Variants in NTM observed in about 807,000 individuals in gnomAD.
The protein encoded by NTM is neurotrimin.
In NTM, 13 loss-of-function variants were observed where a neutral mutation model predicts 42.1. The observed-to-expected ratio is 0.31, with a 90% CI of 0.20 to 0.49. The LOEUF (loss-of-function observed/expected upper bound fraction) is 0.49. NTM is among the 20% of genes least tolerant of loss of function. NTM has a pLI of 0.99. For synonymous variants in NTM, 187 were observed against 179.2 expected (o/e 1.04, Z -0.35); for missense variants, 373 against 452.8 (o/e 0.82, Z 1.60).
chr11:132,081,195 A>C (rs1157417359), intron 2 of NTM, among the ~76,000 whole-genome samples: 2 of 152,236 alleles, frequency 1.3e-5, no homozygotes, highest in East Asian at 3.8e-4. Context: ...CTGGTGCAGG[A>C]AATGGTGAGA....
chr11:132,310,408 G>A (rs936311029), intron 6 of NTM, among the ~76,000 whole-genome samples, 176 bp downstream of exon 6: 1 of 152,150 alleles, frequency 6.6e-6, no homozygotes, highest in Non-Finnish European at 1.5e-5. Flanking sequence ...TTTCAGCTAC[G>A]TTTTTAATGT....
intron 2 of NTM, among the ~76,000 whole-genome samples, chr11:131,920,066 A>G (rs1458282215): frequency 6.6e-6 from 1 of 152,238 alleles, no homozygotes; most frequent in Non-Finnish European, 1.5e-5. Context: ...GTGACAGTTC[A>G]TGGCTCTGAA....
At chr11:132,155,196 T>G (rs988369082) in intron 3 of NTM, among the ~76,000 whole-genome samples, 1 of 152,210 alleles carries the variant, frequency 6.6e-6, no homozygotes, top group Non-Finnish European at 1.5e-5. Flanking sequence ...GTCTGAATTT[T>G]GATAATTACC....
At chr11:132,325,647 C>T (rs1342671812) in intron 7 of NTM, among the ~76,000 whole-genome samples, 1 of 152,066 alleles carries the variant, frequency 6.6e-6, no homozygotes, top group Non-Finnish European at 1.5e-5. Context: ...TACCATTTGA[C>T]CCAGCCATCC....
chr11:131,693,619 A>G (rs2075068239), intron 1 of NTM, among the ~76,000 whole-genome samples: 2 of 152,044 alleles, frequency 1.3e-5, no homozygotes, highest in Non-Finnish European at 2.9e-5. Flanking sequence ...GTTGCTGAGC[A>G]CCGTTTATTT....
intron 2 of NTM, among the ~76,000 whole-genome samples, chr11:131,983,060 T>A (rs566564577): frequency 3.9e-5 from 6 of 152,094 alleles, no homozygotes; most frequent in South Asian, 2.1e-4. Flanking sequence ...TGATTTTTTT[T>A]TTTTTTTAGT....
intron 7 of NTM, among the ~76,000 whole-genome samples, chr11:132,323,730 G>T (rs1025711451): frequency 6.6e-6 from 1 of 152,086 alleles, no homozygotes; most frequent in Non-Finnish European, 1.5e-5. Flanking sequence ...CCAAAAAAGA[G>T]AATTTTAGAC....
At chr11:131,781,210 T>C (rs11222789) in intron 1 of NTM, among the ~76,000 whole-genome samples, 58,455 of 151,648 alleles carry the variant, frequency 0.39, 11,657 homozygotes, top group East Asian at 0.57. Flanking sequence ...CACTCTAAAA[T>C]TTAATCAGCA....
intron 1 of NTM, among the ~76,000 whole-genome samples, chr11:131,761,438 G>A: frequency 6.6e-6 from 1 of 152,094 alleles, no homozygotes; most frequent in South Asian, 2.1e-4. Flanking sequence ...TTGGAGATGG[G>A]GCCTTTGAGA....
intron 1 of NTM, among the ~76,000 whole-genome samples, chr11:131,778,176 G>C (rs2087402249): frequency 6.6e-6 from 1 of 152,190 alleles, no homozygotes; most frequent in Non-Finnish European, 1.5e-5. Flanking sequence ...ATCCAGATGG[G>C]TGTGTTGAGA....
chr11:131,633,758 TCTCTCTCC>T (rs1481107723), intron 1 of NTM, among the ~76,000 whole-genome samples: 56 of 38,136 alleles, frequency 1.5e-3, no homozygotes, highest in African/African-American at 4.4e-3. Flanking sequence ...TCTCCCTCCC[TCTCTCTCC>T]CTCTCTCTCT....
intron 1 of NTM, among the ~76,000 whole-genome samples, chr11:131,502,059 T>A (rs1216548390): frequency 6.6e-6 from 1 of 152,082 alleles, no homozygotes; most frequent in African/African-American, 2.4e-5. Context: ...CTGTAGATGG[T>A]ATTAAAGTGC....
intron 2 of NTM, among the ~76,000 whole-genome samples, chr11:132,078,930 T>C (rs1284342105): frequency 6.6e-6 from 1 of 152,198 alleles, no homozygotes; most frequent in Admixed American, 6.5e-5. Context: ...AGTCCAACTT[T>C]AGGATTAAAT....
At chr11:131,870,990 A>T (rs1350941107) in intron 1 of NTM, among the ~76,000 whole-genome samples, 1 of 152,200 alleles carries the variant, frequency 6.6e-6, no homozygotes, top group African/African-American at 2.4e-5. Flanking sequence ...CTAAATACAG[A>T]ATCTACAAGC....
intron 2 of NTM, among the ~76,000 whole-genome samples, chr11:132,041,832 G>A (rs901719729): frequency 1.3e-5 from 2 of 152,160 alleles, no homozygotes; most frequent in African/African-American, 4.8e-5. Flanking sequence ...GCAAGTCACT[G>A]ACCCACACTG....
chr11:131,618,673 G>C (rs1459279065), intron 1 of NTM, among the ~76,000 whole-genome samples: 2 of 152,202 alleles, frequency 1.3e-5, no homozygotes, highest in South Asian at 2.1e-4. Context: ...GAGCTTAAAT[G>C]CTAGTTACAC....
At chr11:131,694,329 T>C (rs1489835113) in intron 1 of NTM, among the ~76,000 whole-genome samples, 1 of 152,220 alleles carries the variant, frequency 6.6e-6, no homozygotes, top group Non-Finnish European at 1.5e-5. Context: ...CCATTTTCAT[T>C]CAACATTTAT....
At chr11:131,405,482 A>G (rs1383836024) in intron 1 of NTM, among the ~76,000 whole-genome samples, 1 of 152,100 alleles carries the variant, frequency 6.6e-6, no homozygotes, top group Non-Finnish European at 1.5e-5. Context: ...CACCCTTAAC[A>G]TCAAATCCAT....
At chr11:131,469,509 G>C (rs889661481) in intron 1 of NTM, among the ~76,000 whole-genome samples, 8 of 152,210 alleles carry the variant, frequency 5.3e-5, no homozygotes, top group Non-Finnish European at 1.0e-4. Context: ...ATCACAGATA[G>C]ACAGATAACT....
Sources: gnomAD v4.1 joint callset for allele counts (sites outside exome capture counted in the v4.1 genomes callset) on GRCh38, gnomAD v4.1.1 for gene constraint, MANE v1.5 for transcripts, NCBI Gene and HGNC (gene_info 2026-07-23, HGNC 2026-07-21) for gene names.